Variants in RNF169 observed in about 807,000 individuals in gnomAD.
RNF169 encodes ring finger protein 169.
RNF169 carries 24 observed loss-of-function variants against 53.9 expected under a neutral mutation model. The ratio of observed to expected loss-of-function variants is 0.45; its 90% confidence interval spans 0.32 to 0.63. The LOEUF is 0.63. RNF169 is among the 20% of genes least tolerant of loss of function. The pLI, the probability that RNF169 is intolerant of heterozygous loss-of-function variation, is 0.04. For missense variants in RNF169, 883 were observed against 906.2 expected, an observed-to-expected ratio of 0.97 and a Z score of 0.33; for synonymous variants, 396 against 363.5, an observed-to-expected ratio of 1.09 and a Z score of -1.02.
intron 3 of RNF169, among the ~76,000 whole-genome samples, chr11:74,815,594 G>A (rs1042729750): frequency 6.6e-5 from 10 of 151,994 alleles, no homozygotes; most frequent in Non-Finnish European, 1.3e-4. Flanking sequence ...GTTATAAAAC[G>A]GAAATTTTTC....
chr11:74,793,397 A>G (rs900463081), intron 2 of RNF169, among the ~76,000 whole-genome samples: 3 of 152,232 alleles, frequency 2.0e-5, no homozygotes, highest in African/African-American at 7.2e-5. Context: ...TGCTACTAAT[A>G]TACTTTTCAC....
At chr11:74,752,228 TAAAAAAAAAAAAAAAAA>T (rs11325931) in intron 1 of RNF169, among the ~76,000 whole-genome samples, 1 of 78,742 alleles carries the variant, frequency 1.3e-5, no homozygotes, top group African/African-American at 5.0e-5. Flanking sequence ...GAGACTGTCT[TAAAAAAAAAAAAAAAAA>T]AAAAAAAGGG....
At chr11:74,785,539 G>T (rs1327828308) in intron 1 of RNF169, among the ~76,000 whole-genome samples, 2 of 151,500 alleles carry the variant, frequency 1.3e-5, no homozygotes, top group African/African-American at 2.4e-5. Context: ...TATCACTTTG[G>T]ACCAATTCAC....
chr11:74,816,237 G>A (rs2035940693), intron 3 of RNF169, among the ~76,000 whole-genome samples: 1 of 152,186 alleles, frequency 6.6e-6, no homozygotes, highest in South Asian at 2.1e-4. Context: ...TTGATCATTA[G>A]ATAATTGGTT....
rs563263571 is a variant in RNF169, at chr11:74,765,201, C to A, written c.502+15819C>A. Among the ~76,000 whole-genome samples the A allele has an allele frequency of 2.0e-5, 3 of 152,256 alleles. No individual in the cohort carries two copies. The South Asian group carries it at 6.2e-4, about 32-fold the overall frequency. On this transcript the variant is annotated intron_variant, in intron 1 of 5. Coordinates refer to ENST00000299563, the MANE Select transcript of RNF169 (RefSeq NM_001098638.2). The stretch of plus-strand genomic sequence containing the variant: ...TCCAACCTAGGTGACAGAGCGAGAT[C>A]CTGTCTCAACGAATGGGGTTAATCC...
In RNF169 at chr11:74,835,978, A is replaced by T. The variant is rs762853046; in HGVS notation, c.1375A>T (p.Met459Leu). The T allele has an allele frequency of 5.0e-6, 8 of 1,614,200 alleles. No individual in the cohort carries two copies. Among genetic ancestry groups the T allele is most frequent in the Non-Finnish European group, 6.8e-6 (8 of 1,180,030 alleles). The change falls in exon 6 of 6, where the codon ATG (methionine) becomes TTG (leucine). Residue 459 changes from methionine (M) to leucine (L), a missense_variant. Coordinates refer to ENST00000299563, the MANE Select transcript of RNF169 (RefSeq NM_001098638.2). ...CACTCTTACCTCTCTGGCTCCTGAAATGGGGGAAGAGTTACTAGGCTCTGA... is the reference window on the plus strand; with the variant it reads ...CACTCTTACCTCTCTGGCTCCTGAATTGGGGGAAGAGTTACTAGGCTCTGA... ...KATLTSLAPEMGEELLGSEGI... is the reference protein window; with the variant it reads ...KATLTSLAPELGEELLGSEGI...
rs779215199 is a variant in RNF169 at position 74,835,914 on chromosome 11, C to G, written c.1311C>G (p.Ile437Met). 1 of 1,614,170 alleles carries G rather than the reference C, an allele frequency of 6.2e-7. No individual in the cohort carries two copies. Among genetic ancestry groups the G allele is most frequent in the Non-Finnish European group, 8.5e-7 (1 of 1,180,036 alleles). The change falls in exon 6 of 6, where the codon ATC becomes ATG. Residue 437 changes from isoleucine to methionine, a missense_variant. By Grantham distance (10) the Ile-to-Met change is conservative. Coordinates refer to ENST00000299563, the MANE Select transcript of RNF169 (RefSeq NM_001098638.2). The part of the protein sequence containing the change: ...SPRILKKWEQ[I>M]FQERQIKKTL... ...GGATCCTCAAAAAGTGGGAACAGAT[C>G]TTTCAGGAGCGGCAGATCAAAAAGA...
chr11:74,808,860 C>T lies in RNF169; in HGVS notation c.577-1324C>T, dbSNP rs1408050697. Among the ~76,000 whole-genome samples the T allele has an allele frequency of 2.0e-5, 3 of 152,184 alleles. No homozygotes were observed. In the East Asian group the frequency reaches 5.8e-4, roughly 29 times the overall value. On this transcript the variant is annotated intron_variant, in intron 2 of 5. Coordinates refer to ENST00000299563, the MANE Select transcript of RNF169 (RefSeq NM_001098638.2). ...GTAGACTATAGTTTTGTTTTCTCCC[C>T]AGCTGTGGATTTGCTTTCCTTTCCT... is the stretch of plus-strand genomic sequence containing the variant.
intron 2 of RNF169, among the ~76,000 whole-genome samples, chr11:74,794,894 C>A (rs1377734551): frequency 2.6e-5 from 4 of 152,112 alleles, no homozygotes; most frequent in African/African-American, 9.7e-5. Context: ...GGATCCTGGG[C>A]TCTTAAGTGA....
chr11:74,758,035 G>A (rs954984044), intron 1 of RNF169, among the ~76,000 whole-genome samples: 6 of 74,266 alleles, frequency 8.1e-5, no homozygotes, highest in African/African-American at 1.8e-4. Flanking sequence ...GTCTTTTGTT[G>A]CCATTGCTTT....
chr11:74,832,290 A>ATTTTTTT (rs745391275), intron 4 of RNF169: 1 of 142,754 alleles, frequency 7.0e-6, no homozygotes, highest in African/African-American at 2.6e-5. Context: ...GATTGTCAGA[A>ATTTTTTT]TTTTTTTTTT....
intron 1 of RNF169, among the ~76,000 whole-genome samples, chr11:74,771,674 A>C (rs970943900): frequency 6.6e-6 from 1 of 152,212 alleles, no homozygotes; most frequent in African/African-American, 2.4e-5. Context: ...ACTAAACTCT[A>C]ACCTGGGTGA....
chr11:74,802,785 C>A (rs936134319), intron 2 of RNF169, among the ~76,000 whole-genome samples: 1 of 152,034 alleles, frequency 6.6e-6, no homozygotes, highest in African/African-American at 2.4e-5. Context: ...CGGAACTGAG[C>A]TTATTGAACA....
intron 1 of RNF169, among the ~76,000 whole-genome samples, chr11:74,750,869 T>TTTTTTG (rs2034881184): frequency 1.7e-5 from 2 of 114,448 alleles, no homozygotes; most frequent in African/African-American, 7.1e-5. Context: ...CCCAAGGTTT[T>TTTTTTG]TTTTTTTTTT....
chr11:74,807,460 A>G (rs1176357692), intron 2 of RNF169, among the ~76,000 whole-genome samples: 1 of 152,150 alleles, frequency 6.6e-6, no homozygotes, highest in Non-Finnish European at 1.5e-5. Flanking sequence ...TCATGCATAA[A>G]CCTTCTCAGA....
intron 1 of RNF169, among the ~76,000 whole-genome samples, chr11:74,766,494 T>C (rs539395209): frequency 6.6e-5 from 10 of 152,368 alleles, no homozygotes; most frequent in African/African-American, 1.7e-4. Flanking sequence ...TAAAGACTTA[T>C]ATTTTTAGTG....
chr11:74,812,793 C>T (rs886161501), intron 3 of RNF169, among the ~76,000 whole-genome samples: 3 of 152,156 alleles, frequency 2.0e-5, no homozygotes, highest in Non-Finnish European at 4.4e-5. Flanking sequence ...CTGATCATTT[C>T]ACTCTCCTGT....
At chr11:74,799,086 G>GTTT (rs66563289) in intron 2 of RNF169, among the ~76,000 whole-genome samples, 76 of 140,856 alleles carry the variant, frequency 5.4e-4, no homozygotes, top group African/African-American at 1.5e-3. Context: ...ATTTCCAGTG[G>GTTT]TTTTTTTTTT....
chr11:74,781,788 T>C (rs866769107), intron 1 of RNF169, among the ~76,000 whole-genome samples: 3 of 152,188 alleles, frequency 2.0e-5, no homozygotes, highest in Non-Finnish European at 4.4e-5. Context: ...TGGATCTAGA[T>C]TGCTTGTGTT....
Sources: allele counts gnomAD v4.1 joint callset (sites outside exome capture counted in the v4.1 genomes callset), GRCh38; gene constraint gnomAD v4.1.1; transcripts MANE v1.5; gene names NCBI Gene and HGNC (gene_info 2026-07-23, HGNC 2026-07-21).